The following RNF144A variants were observed in gnomAD, a reference collection of about 807,000 sequenced individuals.
The protein encoded by RNF144A is E3 ubiquitin-protein ligase RNF144A.
Under a neutral mutation model 38.7 loss-of-function variants are expected in RNF144A, and 11 were observed. That is an observed-to-expected ratio of 0.28 (90% CI 0.18 to 0.47). The LOEUF (loss-of-function observed/expected upper bound fraction) is 0.47, where lower values mean the gene tolerates loss of function less well. Ranked by LOEUF, RNF144A falls within the 20% of genes least tolerant of loss-of-function variation. The pLI, the probability that RNF144A is intolerant of heterozygous loss-of-function variation, is 0.99. For missense variants in RNF144A, 316 were observed against 377.2 expected (o/e 0.84, Z 1.34); for synonymous variants, 149 against 143.9 (o/e 1.04, Z -0.25).
rs1667429712 is a variant in RNF144A at position 6,962,841 on chromosome 2, T to G, written c.-12+21694T>G. Among the ~76,000 whole-genome samples the G allele has an allele frequency of 6.6e-6, 1 of 152,224 alleles. No homozygotes were observed. Among genetic ancestry groups the G allele is most frequent in the Non-Finnish European group, 1.5e-5 (1 of 68,038 alleles). On this transcript the variant is annotated intron_variant, in intron 2 of 8. Transcript: ENST00000320892. The surrounding 1 kb of genome is among the most constrained non-coding windows in gnomAD (Gnocchi z 4.1). Reference sequence around the variant, plus strand: ...CCTCAGTTAATGACTGGCCCAGCCTTGCTGGTCTCCATGGTTTATGCCATC... The same window carrying G: ...CCTCAGTTAATGACTGGCCCAGCCTGGCTGGTCTCCATGGTTTATGCCATC...
rs201458947 is a variant in RNF144A at position 7,039,488 on chromosome 2, G to GTAGATGGATGGATGGA, written c.748-129_748-114dup. ...GAATGAGTAGATGATGACTAGATGGGTAGATGGATGGATGGATAGATGGAT... is the reference window on the plus strand; with the variant it reads ...GAATGAGTAGATGATGACTAGATGGGTAGATGGATGGATGGATAGATGGATGGATGGATAGATGGAT... On this transcript the variant is annotated intron_variant, in intron 8 of 8. Transcript: ENST00000320892. 4.2e-6 allele frequency: 6 copies of GTAGATGGATGGATGGA among 1,433,956 alleles called. No homozygotes were observed. In the African/African-American group the frequency reaches 8.5e-5, roughly 20 times the overall value. 88.8% of individuals were successfully genotyped at this position (1,433,956 alleles called of 1,614,324 possible). A position where few individuals can be genotyped will look rare whatever the true frequency, so the allele number is the denominator to read the frequency against.
At position 7,001,786 on chromosome 2, in the gene RNF144A, A is replaced by G. The variant is rs544706534; in HGVS notation, c.135+4725A>G. ...GTGGTTTAAATAAAAAGTCAGAACT[A>G]GATGGTTGGTTGAGTTGCGTGGCTG... On this transcript the variant is annotated intron_variant, in intron 3 of 8. Coordinates refer to ENST00000320892, the MANE Select transcript of RNF144A (RefSeq NM_014746.6). Among the ~76,000 whole-genome samples the G allele has an allele frequency of 3.3e-5, 5 of 152,386 alleles. No homozygotes were observed. In the South Asian group the frequency reaches 1.0e-3, roughly 32 times the overall value.
chr2:7,063,148 C>T (rs548949251), intron 6 of RNF144A, among the ~76,000 whole-genome samples: 3 of 152,314 alleles, frequency 2.0e-5, no homozygotes, highest in African/African-American at 7.2e-5. Flanking sequence ...AATTATGAAG[C>T]TCCTAACACA....
intron 2 of RNF144A, among the ~76,000 whole-genome samples, chr2:6,990,187 G>A (rs1238720641): frequency 8.5e-5 from 13 of 152,142 alleles, no homozygotes; most frequent in South Asian, 8.3e-4. Context: ...GGGTGCCAGC[G>A]TGCTTGAGTT....
Position 6,962,847 on chromosome 2 carries a change from T to C in RNF144A, c.-12+21700T>C, listed in dbSNP as rs1667430630. On this transcript the variant is annotated intron_variant, in intron 2 of 8. Transcript: ENST00000320892. The surrounding 1 kb of genome is among the most constrained non-coding windows in gnomAD (Gnocchi z 4.1). The stretch of plus-strand genomic sequence containing the variant: ...TTAATGACTGGCCCAGCCTTGCTGG[T>C]CTCCATGGTTTATGCCATCATGATG... Among the ~76,000 whole-genome samples the C allele has an allele frequency of 6.6e-6, 1 of 152,212 alleles. No individual in the cohort carries two copies. Among genetic ancestry groups the C allele is most frequent in the Non-Finnish European group, 1.5e-5 (1 of 68,038 alleles).
intron 2 of RNF144A, among the ~76,000 whole-genome samples, chr2:6,991,783 A>G (rs1326041631): frequency 6.6e-6 from 1 of 152,172 alleles, no homozygotes; most frequent in Admixed American, 6.5e-5. Flanking sequence ...TATATAATAT[A>G]TATACACACA....
chr2:7,020,616 A>G lies in RNF144A; in HGVS notation c.445A>G (p.Ser149Gly), dbSNP rs769159568. The G allele has an allele frequency of 6.2e-7, 1 of 1,610,506 alleles. No individual in the cohort carries two copies. ...GGAATTCTGCTCCACCTGCAAAGCC[A>G]GCTGGCACCCTGGCCAGGGCTGCCC... The part of the protein sequence containing the change: ...RMEFCSTCKA[S>G]WHPGQGCPET... Residue 149 changes from serine (S) to glycine (G), a missense_variant, in exon 6 of 9, where the codon AGC (serine) becomes GGC (glycine). Ser to Gly is a moderately conservative substitution (Grantham distance 56). Coordinates refer to ENST00000320892, the MANE Select transcript of RNF144A (RefSeq NM_014746.6).
At chr2:7,015,745 G>A (rs1168832426) in intron 5 of RNF144A, among the ~76,000 whole-genome samples, 1 of 152,156 alleles carries the variant, frequency 6.6e-6, no homozygotes, top group Non-Finnish European at 1.5e-5. Flanking sequence ...CACTCCATAT[G>A]CAGAACATCA....
At chr2:6,990,640 A>G (rs921354830) in intron 2 of RNF144A, among the ~76,000 whole-genome samples, 1 of 151,880 alleles carries the variant, frequency 6.6e-6, no homozygotes, top group Non-Finnish European at 1.5e-5. Flanking sequence ...ATCTCCAAAT[A>G]TAGTCCCAAT....
chr2:7,041,284 G>T lies in RNF144A; in HGVS notation c.*1524G>T, dbSNP rs1427463144. The T allele has an allele frequency of 3.0e-6, 3 of 985,642 alleles. No homozygotes were observed. Among genetic ancestry groups the T allele is most frequent in the Non-Finnish European group, 3.6e-6 (3 of 829,936 alleles). 61.1% of individuals were successfully genotyped at this position (985,642 alleles called of 1,614,324 possible). On this transcript the variant is annotated 3_prime_UTR_variant, in exon 9 of 9. Transcript: ENST00000320892. ...GTTTGACTTCTGCATTTGAGTATCA[G>T]TCTCAGGTCCTAGTTTACTTTCCCT...
chr2:6,960,951 A>G lies in RNF144A; in HGVS notation c.-12+19804A>G, dbSNP rs545210536. Among the ~76,000 whole-genome samples the G allele has an allele frequency of 1.9e-3, 289 of 152,224 alleles. 1 individual carries two copies. The highest frequency in any genetic ancestry group is 6.7e-3 in the African/African-American group (278 of 41,540). On this transcript the variant is annotated intron_variant, in intron 2 of 8. Transcript: ENST00000320892. ...GAAGTCATTGGTCAGCATAATGCCA[A>G]TTTCAATTGTGTGTGCGTGTGTGTG...
At chr2:6,964,762 T>C (rs1286205727) in intron 2 of RNF144A, among the ~76,000 whole-genome samples, 2 of 151,278 alleles carry the variant, frequency 1.3e-5, no homozygotes, top group Admixed American at 1.3e-4. Context: ...TAGGTGGGAA[T>C]TGAAAAATGA....
chr2:6,967,620 A>G (rs1667751863), intron 2 of RNF144A, among the ~76,000 whole-genome samples: 2 of 152,246 alleles, frequency 1.3e-5, no homozygotes, highest in South Asian at 2.1e-4. Flanking sequence ...TGAGTCCTCC[A>G]TGGGATTAAG....
chr2:7,074,189 C>T, the RNF144A span, among the ~76,000 whole-genome samples: 1 of 152,310 alleles, frequency 6.6e-6, no homozygotes, highest in Non-Finnish European at 1.5e-5. Context: ...CAGCTTGTGT[C>T]ACATAAACAA....
intron 6 of RNF144A, among the ~76,000 whole-genome samples, chr2:7,051,431 T>C (rs1447751330): frequency 2.0e-5 from 3 of 152,032 alleles, no homozygotes; most frequent in African/African-American, 7.3e-5. Context: ...GCTGACACAA[T>C]AAGATATGGG....
chr2:7,023,665 G>T (rs449500), intron 6 of RNF144A, among the ~76,000 whole-genome samples: 48,328 of 152,088 alleles, frequency 0.32, 8,772 homozygotes, highest in Middle Eastern at 0.41. Context: ...TTGAACTACT[G>T]CTACCCTTTA....
At chr2:6,934,595 G>A (rs748770664) in intron 1 of RNF144A, among the ~76,000 whole-genome samples, 1 of 152,102 alleles carries the variant, frequency 6.6e-6, no homozygotes, top group African/African-American at 2.4e-5. Flanking sequence ...TGGTAAAATT[G>A]TAGTTTTACT....
chr2:6,993,337 A>T (rs910580836), intron 2 of RNF144A, among the ~76,000 whole-genome samples: 1 of 152,162 alleles, frequency 6.6e-6, no homozygotes, highest in Admixed American at 6.5e-5. Context: ...TGCCCAGGGC[A>T]GGGGAAGCCA....
At chr2:7,034,234 T>C (rs1244141277) in intron 8 of RNF144A, among the ~76,000 whole-genome samples, 1 of 150,984 alleles carries the variant, frequency 6.6e-6, no homozygotes, top group Non-Finnish European at 1.5e-5. Flanking sequence ...ATCGTGCCAC[T>C]GCACTCCAGC....
Sources: gnomAD v4.1 joint callset for allele counts (sites outside exome capture counted in the v4.1 genomes callset) on GRCh38, gnomAD v4.1.1 for gene constraint, Gnocchi (gnomAD v3.1) non-coding constraint, MANE v1.5 for transcripts, NCBI Gene and HGNC (gene_info 2026-07-23, HGNC 2026-07-21) for gene names.